CASZ1: variants seen among roughly 807,000 people sequenced by gnomAD.
CASZ1 encodes the protein zinc finger protein castor homolog 1.
CASZ1 carries 28 observed loss-of-function variants against 135.2 expected under a neutral mutation model. The ratio of observed to expected loss-of-function variants is 0.21; its 90% confidence interval spans 0.15 to 0.28. CASZ1 has a LOEUF of 0.28. CASZ1 is among the 10% of genes least tolerant of loss of function. The pLI is 1.00. For missense variants in CASZ1, 2,161 were observed against 2,453.3 expected, an observed-to-expected ratio of 0.88 and a Z score of 2.52; for synonymous variants, 1,068 against 1,073.4, an observed-to-expected ratio of 0.99 and a Z score of 0.10.
chr1:10,724,190 G>T lies in CASZ1; in HGVS notation c.-76-18646C>A, dbSNP rs1463618978. Reference sequence around the variant, plus strand: ...AAAATACCCCAGCACACGATCCACAGGGTGAGAGCAAAGGCCACGTGGTCA... The same window carrying T: ...AAAATACCCCAGCACACGATCCACATGGTGAGAGCAAAGGCCACGTGGTCA... On this transcript the variant is annotated intron_variant, in intron 2 of 20. Coordinates refer to ENST00000377022, the MANE Select transcript of CASZ1 (RefSeq NM_001079843.3). This position sits in a 1 kb window ranked among gnomAD's most constrained non-coding sequence, Gnocchi z 4.1. Among the ~76,000 whole-genome samples, 1 of 152,186 alleles carries T rather than the reference G, an allele frequency of 6.6e-6. No individual in the cohort carries two copies. Among genetic ancestry groups the T allele is most frequent in the Non-Finnish European group, 1.5e-5 (1 of 68,048 alleles).
chr1:10,663,962 C>T (rs892274026), intron 5 of CASZ1, among the ~76,000 whole-genome samples: 2 of 152,202 alleles, frequency 1.3e-5, no homozygotes, highest in East Asian at 1.9e-4. Context: ...GCCCTTGTCG[C>T]GTTCCTCTCC....
rs114537608 is a variant in CASZ1, at chr1:10,641,762, C to G, written c.4162+1097G>C. 6.9e-3 allele frequency among the ~76,000 whole-genome samples: 1,051 copies of G among 152,356 alleles called. 13 individuals carry two copies. Among genetic ancestry groups the G allele is most frequent in the African/African-American group, 0.024 (1,002 of 41,580 alleles). On this transcript the variant is annotated intron_variant, in intron 20 of 20. Transcript: ENST00000377022. ...CAGGGCCTCCGGCAGGATCAGCCAT[C>G]TCTGGGACTCTGAGCAGTTGTGAAC... is the stretch of plus-strand genomic sequence containing the variant.
At chr1:10,715,365 C>T (rs991853200) in intron 2 of CASZ1, among the ~76,000 whole-genome samples, 6 of 152,072 alleles carry the variant, frequency 3.9e-5, no homozygotes, top group Admixed American at 6.5e-5. Context: ...GCAGGATCTG[C>T]GGTGAGAACC....
chr1:10,673,484 C>G (rs553557522), intron 4 of CASZ1, among the ~76,000 whole-genome samples: 1 of 152,154 alleles, frequency 6.6e-6, no homozygotes, highest in East Asian at 2.0e-4. Context: ...CTCTCTCGCA[C>G]TCTTGTGCTC....
At chr1:10,692,370 C>G (rs1638795263) in intron 4 of CASZ1, among the ~76,000 whole-genome samples, 1 of 152,142 alleles carries the variant, frequency 6.6e-6, no homozygotes, top group African/African-American at 2.4e-5. Flanking sequence ...AGGCCCATCT[C>G]TGAGGTCTGC....
Position 10,694,018 on chromosome 1 carries a change from G to A in CASZ1, c.-23-106C>T. ...TGCTTGTCCCCCGCCCCGCAGGAGC[G>A]GCCCGTCCCGGGCGGGCGCCGAGGC... is the stretch of plus-strand genomic sequence containing the variant. On this transcript the variant is annotated intron_variant, in intron 3 of 20. Coordinates refer to ENST00000377022, the MANE Select transcript of CASZ1 (RefSeq NM_001079843.3). The surrounding 1 kb of genome is among the most constrained non-coding windows in gnomAD (Gnocchi z 6.6). The A allele has an allele frequency of 2.8e-6, 3 of 1,084,004 alleles. No individual in the cohort carries two copies. Among genetic ancestry groups the A allele is most frequent in the Admixed American group, 2.9e-5 (1 of 34,472 alleles). 67.1% of individuals were successfully genotyped at this position (1,084,004 alleles called of 1,614,324 possible).
chr1:10,648,226 C>A (rs1642438144), intron 15 of CASZ1, 87 bp from the exon 16 acceptor site: 6 of 968,208 alleles, frequency 6.2e-6, no homozygotes, highest in Non-Finnish European at 9.0e-6. Flanking sequence ...CAGGCCTAGA[C>A]CCCGGTGTCC....
In CASZ1 at chr1:10,682,841, A is replaced by C. The variant is rs72858594; in HGVS notation, c.16+11033T>G. Among the ~76,000 whole-genome samples, 379 of 152,288 alleles carry C rather than the reference A, an allele frequency of 2.5e-3. 3 individuals carry two copies. Among genetic ancestry groups the C allele is most frequent in the African/African-American group, 8.8e-3 (364 of 41,562 alleles). On this transcript the variant is annotated intron_variant, in intron 4 of 20. Coordinates refer to ENST00000377022, the MANE Select transcript of CASZ1 (RefSeq NM_001079843.3). Reference sequence around the variant, plus strand: ...GGGAGGCCAGGGAAAGGAACCCCATATGGCCCTTGGAGGCGTGGTGCCATC... The same window carrying C: ...GGGAGGCCAGGGAAAGGAACCCCATCTGGCCCTTGGAGGCGTGGTGCCATC...
Position 10,666,540 on chromosome 1 carries a change from G to A in CASZ1, c.17-969C>T, listed in dbSNP as rs1643240155. Reference sequence around the variant, plus strand: ...AGGAGCTCCAGCAGGTGCAGGGTGGGATCGCTTAGGTCCCTCACGGAACGC... The same window carrying A: ...AGGAGCTCCAGCAGGTGCAGGGTGGAATCGCTTAGGTCCCTCACGGAACGC... On this transcript the variant is annotated intron_variant, in intron 4 of 20. Coordinates refer to ENST00000377022, the MANE Select transcript of CASZ1 (RefSeq NM_001079843.3). The surrounding 1 kb of genome is among the most constrained non-coding windows in gnomAD (Gnocchi z 5.2). Among the ~76,000 whole-genome samples the A allele has an allele frequency of 2.0e-5, 3 of 152,182 alleles. No homozygotes were observed. The South Asian group carries it at 6.2e-4, about 32-fold the overall frequency.
chr1:10,750,135 C>T (rs1279200215), intron 2 of CASZ1, among the ~76,000 whole-genome samples: 2 of 152,176 alleles, frequency 1.3e-5, no homozygotes, highest in African/African-American at 4.8e-5. Context: ...AACCCTGGCA[C>T]ACGTGTGGCC....
At chr1:10,695,580 A>G (rs1228339389) in intron 3 of CASZ1, among the ~76,000 whole-genome samples, 1 of 16,750 alleles carries the variant, frequency 6.0e-5, no homozygotes, top group African/African-American at 2.0e-4. Flanking sequence ...CCTCCCCGCC[A>G]CCCCCCCCCC....
chr1:10,660,580 G>A (rs1388262607), intron 5 of CASZ1, 44 bp from the exon 6 acceptor site: 7 of 1,542,910 alleles, frequency 4.5e-6, no homozygotes, highest in Non-Finnish European at 5.3e-6. Context: ...GAGGGAGTGG[G>A]AGGGACAGGA....
Position 10,653,709 on chromosome 1 carries a change from G to A in CASZ1, c.2348C>T (p.Ser783Leu). The A allele has an allele frequency of 6.3e-7, 1 of 1,595,774 alleles. No homozygotes were observed. Among genetic ancestry groups the A allele is most frequent in the Non-Finnish European group, 8.5e-7 (1 of 1,170,634 alleles). ...GGAGAGGGCCAGGGCCAGGGGGATT[G>A]AGCCAGGCAGGCCCTGGGGCAGCAG... ...SGLLPQGLPG[S>L]IPLALALSNS... The change falls in exon 11 of 21, where the codon TCA (serine) becomes TTA (leucine). Residue 783 changes from serine (S) to leucine (L), a missense_variant. By Grantham distance (145) the Ser-to-Leu change is moderately radical. This residue lies in a region of CASZ1 where 406 missense variants were observed against 387.6 expected (regional missense o/e 1.05). Transcript: ENST00000377022.
intron 2 of CASZ1, among the ~76,000 whole-genome samples, chr1:10,729,094 G>T (rs1312357726): frequency 6.6e-6 from 1 of 151,996 alleles, no homozygotes; most frequent in Non-Finnish European, 1.5e-5. Context: ...TGGGGGAAGG[G>T]GAGTGGGGAG....
intron 18 of CASZ1, among the ~76,000 whole-genome samples, chr1:10,643,715 A>G (rs1642279800): frequency 6.6e-6 from 1 of 152,104 alleles, no homozygotes; most frequent in African/African-American, 2.4e-5. Context: ...CCCAGGCCCC[A>G]GCACCCACGG....
In CASZ1 at chr1:10,676,980, C is replaced by T. The variant is rs957073778; in HGVS notation, c.17-11409G>A. Among the ~76,000 whole-genome samples the T allele has an allele frequency of 6.6e-6, 1 of 152,254 alleles. No individual in the cohort carries two copies. Among genetic ancestry groups the T allele is most frequent in the Non-Finnish European group, 1.5e-5 (1 of 68,044 alleles). On this transcript the variant is annotated intron_variant, in intron 4 of 20. Transcript: ENST00000377022. The surrounding 1 kb of genome is among the most constrained non-coding windows in gnomAD (Gnocchi z 4.5). ...ACAGCCAGTCAGGGGGTGCAGGGCC[C>T]CACAGACTTCAGTGCTGCCTGGGCT...
At position 10,648,921 on chromosome 1, in the gene CASZ1, C is replaced by T. The variant is rs550458368; in HGVS notation, c.3158+149G>A. On this transcript the variant is annotated intron_variant, in intron 15 of 20. Coordinates refer to ENST00000377022, the MANE Select transcript of CASZ1 (RefSeq NM_001079843.3). ...TGCATGTGTGAAGGAGGATGGGAAG[C>T]CCACCCTTGCTGGGGCAGCATCTCC... 12 of 1,117,810 alleles carry T rather than the reference C, an allele frequency of 1.1e-5. No homozygotes were observed. The East Asian group carries it at 2.9e-4, about 27-fold the overall frequency. The allele number at this position is 1,117,810 out of a possible 1,614,324, so 69.2% of individuals were successfully genotyped here.
At position 10,665,406 on chromosome 1, in the gene CASZ1, G is replaced by C; in HGVS notation, c.182C>G (p.Pro61Arg). The C allele has an allele frequency of 6.2e-7, 1 of 1,612,700 alleles. No individual in the cohort carries two copies. Among genetic ancestry groups the C allele is most frequent in the Non-Finnish European group, 8.5e-7 (1 of 1,179,680 alleles). ...GSHTEGSPSQ[P>R]RDQERSGPES... ...AGGGCCACTGCGCTCTTGGTCCCGGGGCTGCGATGGGCTGCCCTCCGTGTG... is the reference window on the plus strand; with the variant it reads ...AGGGCCACTGCGCTCTTGGTCCCGGCGCTGCGATGGGCTGCCCTCCGTGTG... Residue 61 changes from proline (P) to arginine (R), a missense_variant, in exon 5 of 21, where the codon CCC (proline) becomes CGC (arginine). Transcript: ENST00000377022.
rs1282151749 is a variant in CASZ1 at position 10,646,444 on chromosome 1, ATGG to A, written c.3498-121_3498-119del. On this transcript the variant is annotated intron_variant, in intron 16 of 20. Coordinates refer to ENST00000377022, the MANE Select transcript of CASZ1 (RefSeq NM_001079843.3). The surrounding 1 kb of genome is among the most constrained non-coding windows in gnomAD (Gnocchi z 6.4). ...ACGACCAGCGGTACCACCAAGAGGGATGGCCTGGGCTGCTGTCCTGCTCAACAG... is the reference window on the plus strand; with the variant it reads ...ACGACCAGCGGTACCACCAAGAGGGACCTGGGCTGCTGTCCTGCTCAACAG... 4.3e-6 allele frequency: 4 copies of A among 933,964 alleles called. No individual in the cohort carries two copies. Among genetic ancestry groups the A allele is most frequent in the Non-Finnish European group, 6.7e-6 (4 of 601,456 alleles). The allele number at this position is 933,964 out of a possible 1,614,324, so 57.9% of individuals were successfully genotyped here.
Sources: allele counts gnomAD v4.1 joint callset (sites outside exome capture counted in the v4.1 genomes callset), GRCh38; gene constraint gnomAD v4.1.1; regional missense constraint gnomAD v4.1.1; non-coding constraint Gnocchi (gnomAD v3.1); transcripts MANE v1.5; gene names NCBI Gene and HGNC (gene_info 2026-07-23, HGNC 2026-07-21).